The following ZMIZ1 variants were observed in gnomAD, a reference collection of about 807,000 sequenced individuals.
The protein encoded by ZMIZ1 is zinc finger MIZ-type containing 1, also known as zinc finger MIZ domain-containing protein 1.
A neutral mutation model predicts 113.9 loss-of-function variants in ZMIZ1; 17 were observed. That is an observed-to-expected ratio of 0.15 (90% confidence interval 0.10 to 0.22). The LOEUF is 0.22. ZMIZ1 is among the 10% of genes least tolerant of loss of function. The probability of loss-of-function intolerance (pLI) is 1.00; values close to 1 mark genes in which losing one functional copy is unlikely to be tolerated. For synonymous variants in ZMIZ1, 607 were observed against 603.1 expected, an observed-to-expected ratio of 1.01 and a Z score of -0.09; for missense variants, 1,059 against 1,477.8, an observed-to-expected ratio of 0.72 and a Z score of 4.65.
At chr10:79,241,767 G>A (rs982101533) in intron 7 of ZMIZ1, among the ~76,000 whole-genome samples, 2 of 152,158 alleles carry the variant, frequency 1.3e-5, no homozygotes, top group Admixed American at 6.5e-5. Context: ...AACTTCCAGG[G>A]CCGGCAGGAA....
intron 17 of ZMIZ1, 25 bp from the exon 18 acceptor site, chr10:79,302,082 C>T (rs1393471153): frequency 6.2e-7 from 1 of 1,611,110 alleles, no homozygotes; most frequent in Non-Finnish European, 8.5e-7. Context: ...TGCACAGGAA[C>T]TGAGTGTCTC....
chr10:79,179,431 A>G (rs2132561786), intron 4 of ZMIZ1, among the ~76,000 whole-genome samples: 1 of 152,342 alleles, frequency 6.6e-6, no homozygotes, highest in East Asian at 1.9e-4. Context: ...ACAGCCAGAA[A>G]CAGAACCCCA....
At chr10:79,297,583 C>G (rs377455320) in intron 13 of ZMIZ1, 30 bp from the exon 14 acceptor site, 12 of 1,599,692 alleles carry the variant, frequency 7.5e-6, no homozygotes, top group Non-Finnish European at 9.4e-6. Flanking sequence ...TTCTGCCCCC[C>G]ACTCAGTGTT....
chr10:79,219,210 T>G (rs1003049934), intron 7 of ZMIZ1, among the ~76,000 whole-genome samples: 1 of 152,062 alleles, frequency 6.6e-6, no homozygotes, highest in African/African-American at 2.4e-5. Flanking sequence ...ACCTGGAGAA[T>G]GGGCTGTCCC....
chr10:79,077,559 T>G (rs1428221256), intron 1 of ZMIZ1, among the ~76,000 whole-genome samples: 2 of 152,176 alleles, frequency 1.3e-5, no homozygotes, highest in African/African-American at 4.8e-5. Context: ...TTCCTGCTGT[T>G]GTTTACATAC....
At position 79,216,225 on chromosome 10, in the gene ZMIZ1, G is replaced by C. The variant is rs1303046361; in HGVS notation, c.231G>C (p.Leu77=). The change falls in exon 7 of 25, where the codon CTG becomes CTC. Residue 77 remains leucine (L), a synonymous_variant. Transcript: ENST00000334512. ...TTGACCTGGACCTCGGCTACAGACTGCTGGCTGTGTGTGCTGCAAACCGAG... is the reference window on the plus strand; with the variant it reads ...TTGACCTGGACCTCGGCTACAGACTCCTGGCTGTGTGTGCTGCAAACCGAG... ...QGFDLDLGYR[L]LAVCAANRDK... The C allele has an allele frequency of 6.3e-7, 1 of 1,578,618 alleles. No homozygotes were observed. Among genetic ancestry groups the C allele is most frequent in the Admixed American group, 1.8e-5 (1 of 55,750 alleles).
At chr10:79,178,598 C>G (rs1013294123) in intron 4 of ZMIZ1, among the ~76,000 whole-genome samples, 3 of 152,158 alleles carry the variant, frequency 2.0e-5, no homozygotes, top group Non-Finnish European at 2.9e-5. Context: ...TTATGGAAGA[C>G]AGATTAAGGC....
chr10:79,271,478 T>G (rs561186784), intron 7 of ZMIZ1, among the ~76,000 whole-genome samples: 2 of 152,290 alleles, frequency 1.3e-5, no homozygotes, highest in Admixed American at 1.3e-4. Flanking sequence ...GGATCAGGTC[T>G]TGGGTGTTGG....
rs549788009 is a variant in ZMIZ1, at chr10:79,307,518, C to G, written c.2782C>G (p.Pro928Ala). The G allele has an allele frequency of 6.3e-7, 1 of 1,595,176 alleles. No individual in the cohort carries two copies. Among genetic ancestry groups the G allele is most frequent in the African/African-American group, 1.4e-5 (1 of 73,780 alleles). Residue 928 changes from proline to alanine, a missense_variant, in exon 23 of 25, where the codon CCC (proline) becomes GCC (alanine). Physicochemically the swap from Pro to Ala is conservative, Grantham distance 27. This residue lies in a region of ZMIZ1 where 225 missense variants were observed against 276.0 expected (regional missense o/e 0.82). Coordinates refer to ENST00000334512, the MANE Select transcript of ZMIZ1 (RefSeq NM_020338.4). Reference sequence around the variant, plus strand: ...CCAGCTCTCCCACCCCCCGGACATGCCCAACAACATGGCCGCCCTCGAGAA... The same window carrying G: ...CCAGCTCTCCCACCCCCCGGACATGGCCAACAACATGGCCGCCCTCGAGAA... The part of the protein sequence containing the change: ...PPQLSHPPDM[P>A]NNMAALEKPL...
chr10:79,134,899 A>T (rs1305474220), intron 2 of ZMIZ1, among the ~76,000 whole-genome samples: 3 of 151,978 alleles, frequency 2.0e-5, no homozygotes, highest in African/African-American at 7.3e-5. Flanking sequence ...GCTCACTGCA[A>T]CCTCTGCCTC....
chr10:79,230,830 C>A (rs547398268), intron 7 of ZMIZ1, among the ~76,000 whole-genome samples: 1 of 152,316 alleles, frequency 6.6e-6, no homozygotes, highest in East Asian at 1.9e-4. Flanking sequence ...GTGCCTAGTT[C>A]TCCTCCCTCT....
chr10:79,224,539 G>A (rs1281435412), intron 7 of ZMIZ1, among the ~76,000 whole-genome samples: 1 of 152,188 alleles, frequency 6.6e-6, no homozygotes, highest in Non-Finnish European at 1.5e-5. Context: ...GGCCGAGCCA[G>A]TGGGTACCTG....
chr10:79,144,396 T>C (rs1845401447), intron 3 of ZMIZ1, among the ~76,000 whole-genome samples: 1 of 152,178 alleles, frequency 6.6e-6, no homozygotes, highest in South Asian at 2.1e-4. Flanking sequence ...GCCTCCCCAC[T>C]GGCCCCATTT....
chr10:79,302,861 G>GTTT lies in ZMIZ1; in HGVS notation c.2125+665_2125+667dup, dbSNP rs34181232. On this transcript the variant is annotated intron_variant, in intron 18 of 24. Transcript: ENST00000334512. ...GGTGCATGCCACCACGCCCAGCTAA[G>GTTT]TTTTTTTTTTTTTTTTTTGAGACGG... Among the ~76,000 whole-genome samples the GTTT allele has an allele frequency of 5.9e-3, 689 of 115,998 alleles. 52 individuals carry two copies. Among genetic ancestry groups the GTTT allele is most frequent in the African/African-American group, 0.013 (391 of 30,512 alleles). The allele number at this position is 115,998 out of a possible 152,430, so 76.1% of individuals were successfully genotyped here.
chr10:79,120,645 G>C (rs557390454), intron 2 of ZMIZ1, among the ~76,000 whole-genome samples: 1 of 152,312 alleles, frequency 6.6e-6, no homozygotes, highest in Non-Finnish European at 1.5e-5. Context: ...CTATACGGTG[G>C]CCGCAAGGAT....
rs1288819298 is a variant in ZMIZ1 at position 79,161,686 on chromosome 10, AG to A, written c.-130-364del. Among the ~76,000 whole-genome samples, 5 of 152,322 alleles carry A rather than the reference AG, an allele frequency of 3.3e-5. No individual in the cohort carries two copies. In the East Asian group the frequency reaches 9.7e-4, roughly 29 times the overall value. On this transcript the variant is annotated intron_variant, in intron 3 of 24. Coordinates refer to ENST00000334512, the MANE Select transcript of ZMIZ1 (RefSeq NM_020338.4). The stretch of plus-strand genomic sequence containing the variant: ...CTTTGCTCTCGTCTGAGTCTCCGCA[AG>A]GGTAGGGATCACTATCACATCAGCA...
intron 7 of ZMIZ1, among the ~76,000 whole-genome samples, chr10:79,256,326 C>T (rs1487088720): frequency 3.3e-5 from 5 of 152,176 alleles, no homozygotes; most frequent in African/African-American, 1.2e-4. Flanking sequence ...TCACCCCATC[C>T]CTCTATGCTC....
intron 7 of ZMIZ1, among the ~76,000 whole-genome samples, chr10:79,270,969 G>A (rs1851914138): frequency 6.6e-6 from 1 of 152,184 alleles, no homozygotes; most frequent in African/African-American, 2.4e-5. Flanking sequence ...AGGGCCACCG[G>A]CGCCTTGCCA....
At chr10:79,148,556 C>T (rs548205376) in intron 3 of ZMIZ1, among the ~76,000 whole-genome samples, 5 of 152,274 alleles carry the variant, frequency 3.3e-5, no homozygotes, top group South Asian at 2.1e-4. Context: ...AACGCCTGTC[C>T]GGAAAAGGGG....
Sources: gnomAD v4.1 joint callset for allele counts (sites outside exome capture counted in the v4.1 genomes callset) on GRCh38, gnomAD v4.1.1 for gene constraint, gnomAD v4.1.1 regional missense constraint, MANE v1.5 for transcripts, NCBI Gene and HGNC (gene_info 2026-07-23, HGNC 2026-07-21) for gene names.